PLPPR5: variants seen among roughly 807,000 people sequenced by gnomAD.
PLPPR5 encodes phospholipid phosphatase related 5, also known as phospholipid phosphatase-related protein type 5.
PLPPR5 carries 16 observed loss-of-function variants against 33.9 expected under a neutral mutation model. The observed-to-expected ratio is 0.47, with a 90% CI of 0.32 to 0.72. The LOEUF (loss-of-function observed/expected upper bound fraction) is 0.72. PLPPR5 is among the 30% of genes least tolerant of loss of function. PLPPR5 has a pLI of 0.03. For missense variants in PLPPR5, 301 were observed against 406.7 expected, an observed-to-expected ratio of 0.74 and a Z score of 2.23; for synonymous variants, 163 against 150.3, an observed-to-expected ratio of 1.08 and a Z score of -0.62.
At chr1:98,972,333 CA>C (rs1481900932) in intron 1 of PLPPR5, among the ~76,000 whole-genome samples, 1 of 152,026 alleles carries the variant, frequency 6.6e-6, no homozygotes, top group Non-Finnish European at 1.5e-5. Context: ...CAACAGAAAA[CA>C]ATTCTACTTA....
At chr1:98,993,587 A>T (rs1216367375) in intron 1 of PLPPR5, among the ~76,000 whole-genome samples, 1 of 152,090 alleles carries the variant, frequency 6.6e-6, no homozygotes, top group Non-Finnish European at 1.5e-5. Context: ...CAACCCAAAA[A>T]TACTGTCTAG....
chr1:98,953,762 T>C (rs1403041434), intron 2 of PLPPR5, among the ~76,000 whole-genome samples: 2 of 152,224 alleles, frequency 1.3e-5, no homozygotes. Context: ...TCTTTGATTA[T>C]GCTGTTACTC....
chr1:98,986,732 T>G (rs1213113551), intron 1 of PLPPR5, among the ~76,000 whole-genome samples: 1 of 151,822 alleles, frequency 6.6e-6, no homozygotes, highest in Non-Finnish European at 1.5e-5. Flanking sequence ...ACTCTTTATG[T>G]TTTTCTAAAT....
rs1652677440 is a variant in PLPPR5 at position 98,997,629 on chromosome 1, T to C, written c.237+6806A>G. ...GACCATTTTACATTTTTTTAATCTT[T>C]GCTATTCTTTCTATAGGAAAATCAG... is the stretch of plus-strand genomic sequence containing the variant. On this transcript the variant is annotated intron_variant, in intron 1 of 5. Coordinates refer to ENST00000263177, the MANE Select transcript of PLPPR5 (RefSeq NM_001037317.2). Among the ~76,000 whole-genome samples the C allele has an allele frequency of 5.9e-5, 9 of 152,320 alleles. No homozygotes were observed. The South Asian group carries it at 1.9e-3, about 32-fold the overall frequency.
At chr1:98,958,020 TC>T (rs1353936469) in intron 1 of PLPPR5, among the ~76,000 whole-genome samples, 1 of 152,234 alleles carries the variant, frequency 6.6e-6, no homozygotes, top group East Asian at 1.9e-4. Context: ...AATAATGTGT[TC>T]TTTTTAAGGC....
chr1:98,953,027 C>G (rs775635528), intron 3 of PLPPR5, 43 bp downstream of exon 3: 3 of 1,602,950 alleles, frequency 1.9e-6, no homozygotes, highest in Non-Finnish European at 1.7e-6. Flanking sequence ...GAAAAATTAA[C>G]AATAATACAG....
chr1:98,991,002 T>A (rs1256680899), intron 1 of PLPPR5: 2 of 152,196 alleles, frequency 1.3e-5, no homozygotes, highest in African/African-American at 4.8e-5. Flanking sequence ...TAGGAATTTA[T>A]AATCTTTTGA....
intron 1 of PLPPR5, among the ~76,000 whole-genome samples, chr1:98,978,954 A>T: frequency 6.6e-6 from 1 of 151,952 alleles, no homozygotes; most frequent in East Asian, 1.9e-4. Flanking sequence ...TGACATGAAA[A>T]CATCCTGTCA....
intron 5 of PLPPR5, among the ~76,000 whole-genome samples, chr1:98,909,744 C>G (rs934295058): frequency 6.6e-6 from 1 of 152,006 alleles, no homozygotes; most frequent in Non-Finnish European, 1.5e-5. Context: ...GCACTGGATC[C>G]CATTGATTTA....
At chr1:98,911,171 C>A (rs977778388) in intron 5 of PLPPR5, among the ~76,000 whole-genome samples, 2 of 152,136 alleles carry the variant, frequency 1.3e-5, no homozygotes, top group Admixed American at 1.3e-4. Flanking sequence ...GGGGACAGAA[C>A]TTGCACTGTG....
At chr1:98,915,072 T>G in intron 4 of PLPPR5, 152 bp from the exon 5 acceptor site, 2 of 665,954 alleles carry the variant, frequency 3.0e-6, no homozygotes, top group Admixed American at 3.3e-5. Context: ...ATTTATTGTA[T>G]TCATTTATTG....
chr1:98,971,643 T>C (rs1365780670), intron 1 of PLPPR5, among the ~76,000 whole-genome samples: 7 of 152,018 alleles, frequency 4.6e-5, no homozygotes, highest in South Asian at 4.1e-4. Context: ...CTGAGTCCTA[T>C]TGTGGGCTGC....
Position 99,004,668 on chromosome 1 carries a change from G to C in PLPPR5, c.4C>G (p.Pro2Ala), listed in dbSNP as rs1433598730. The change falls in exon 1 of 6, where the codon CCC (proline) becomes GCC (alanine). Residue 2 changes from proline to alanine, a missense_variant. Coordinates refer to ENST00000263177, the MANE Select transcript of PLPPR5 (RefSeq NM_001037317.2). The part of the protein sequence containing the change: M[P>A]LLPAALTSSM... ...CTGGTGAGCGCCGCGGGCAGCAGGG[G>C]CATGCACGCCTCCCGGGCCGGGCCG... 6.2e-7 allele frequency: 1 copy of C among 1,601,964 alleles called. No homozygotes were observed. Among genetic ancestry groups the C allele is most frequent in the South Asian group, 1.1e-5 (1 of 89,908 alleles).
chr1:98,946,044 T>G (rs1228525826), intron 3 of PLPPR5, among the ~76,000 whole-genome samples: 1 of 152,164 alleles, frequency 6.6e-6, no homozygotes, highest in African/African-American at 2.4e-5. Flanking sequence ...TCATCTGGTC[T>G]TGGTCACATC....
intron 1 of PLPPR5, among the ~76,000 whole-genome samples, chr1:98,979,555 G>T (rs1375439560): frequency 6.6e-6 from 1 of 152,090 alleles, no homozygotes; most frequent in African/African-American, 2.4e-5. Flanking sequence ...TGTAAGGTCA[G>T]ATTGTTTGGT....
At chr1:98,895,382 C>A (rs1648434984) in intron 5 of PLPPR5, among the ~76,000 whole-genome samples, 1 of 151,970 alleles carries the variant, frequency 6.6e-6, no homozygotes, top group African/African-American at 2.4e-5. Flanking sequence ...AATTTCTGCT[C>A]CTCATAAATT....
chr1:98,972,840 A>T (rs1651705123), intron 1 of PLPPR5, among the ~76,000 whole-genome samples: 1 of 152,136 alleles, frequency 6.6e-6, no homozygotes, highest in Admixed American at 6.6e-5. Context: ...ATTCTGCCCA[A>T]TGAAGCATGA....
chr1:99,005,600 A>G (rs1337627399), upstream of PLPPR5, among the ~76,000 whole-genome samples: 1 of 152,040 alleles, frequency 6.6e-6, no homozygotes, highest in Non-Finnish European at 1.5e-5. Context: ...GTCTGTCTTT[A>G]TTAGCTGCTT....
At chr1:98,960,568 A>G (rs1281830009) in intron 1 of PLPPR5, among the ~76,000 whole-genome samples, 2 of 152,228 alleles carry the variant, frequency 1.3e-5, no homozygotes, top group Non-Finnish European at 2.9e-5. Flanking sequence ...GTATTTATGT[A>G]AATGCCTTCT....
Sources: allele counts gnomAD v4.1 joint callset (sites outside exome capture counted in the v4.1 genomes callset), GRCh38; gene constraint gnomAD v4.1.1; transcripts MANE v1.5; gene names NCBI Gene and HGNC (gene_info 2026-07-23, HGNC 2026-07-21).